PSD3: variants seen among roughly 807,000 people sequenced by gnomAD.
The protein encoded by PSD3 is pleckstrin and Sec7 domain containing 3, also known as PH and SEC7 domain-containing protein 3.
PSD3 carries 49 observed loss-of-function variants against 105.5 expected under a neutral mutation model. That is an observed-to-expected ratio of 0.46 (90% CI 0.37 to 0.59). The LOEUF (loss-of-function observed/expected upper bound fraction) is 0.59. Among genes scored for constraint, PSD3 ranks in the 20% least tolerant of loss-of-function variants. PSD3 has a pLI of 0.00. For synonymous variants in PSD3, 557 were observed against 457.8 expected, an observed-to-expected ratio of 1.22 and a Z score of -2.77; for missense variants, 1,561 against 1,263.8, an observed-to-expected ratio of 1.24 and a Z score of -3.57.
intron 8 of PSD3, among the ~76,000 whole-genome samples, chr8:18,782,224 A>G (rs892628529): frequency 6.6e-6 from 1 of 151,920 alleles, no homozygotes; most frequent in African/African-American, 2.4e-5. Context: ...TGATGGTTTC[A>G]TGCTTCCTTG....
intron 9 of PSD3, among the ~76,000 whole-genome samples, chr8:18,758,835 G>A (rs889285200): frequency 8.6e-5 from 13 of 152,038 alleles, no homozygotes; most frequent in Admixed American, 6.6e-5. Context: ...GGTTAAAAAC[G>A]GGATGGAGGT....
intron 9 of PSD3, among the ~76,000 whole-genome samples, chr8:18,659,060 G>A (rs1334055994): frequency 3.9e-5 from 6 of 152,232 alleles, no homozygotes; most frequent in East Asian, 3.9e-4. Flanking sequence ...ACAGATCTGC[G>A]TGGCTAGGAG....
rs28491127 is a variant in PSD3, at chr8:19,020,020, G to A, written c.324+64186C>T. On this transcript the variant is annotated intron_variant, in intron 1 of 1. Transcript: ENST00000521475. Reference sequence around the variant, plus strand: ...CCAAGACCCGAATAACTGAGGTTAAGTCTCTATAATAAAGGTTCAGTTTAT... The same window carrying A: ...CCAAGACCCGAATAACTGAGGTTAAATCTCTATAATAAAGGTTCAGTTTAT... 2.5e-3 allele frequency among the ~76,000 whole-genome samples: 380 copies of A among 152,236 alleles called. 1 individual carries two copies. Among genetic ancestry groups the A allele is most frequent in the African/African-American group, 8.8e-3 (364 of 41,544 alleles).
At chr8:18,782,807 G>A (rs545725486) in intron 8 of PSD3, among the ~76,000 whole-genome samples, 26 of 152,302 alleles carry the variant, frequency 1.7e-4, no homozygotes, top group African/African-American at 5.8e-4. Context: ...GGGTACAAAG[G>A]GCCTAGTGGC....
chr8:18,675,790 T>C (rs189210541), intron 9 of PSD3, among the ~76,000 whole-genome samples: 7 of 152,170 alleles, frequency 4.6e-5, no homozygotes, highest in African/African-American at 1.7e-4. Flanking sequence ...GCAACTTCCA[T>C]CATAAATTAA....
At chr8:18,776,654 G>A (rs556200706) in intron 8 of PSD3, among the ~76,000 whole-genome samples, 11 of 152,250 alleles carry the variant, frequency 7.2e-5, no homozygotes, top group Admixed American at 5.9e-4. Flanking sequence ...AGGATTGCAG[G>A]TGTGAGTCAC....
At chr8:18,740,258 C>A (rs1563214048) in intron 9 of PSD3, among the ~76,000 whole-genome samples, 1 of 152,168 alleles carries the variant, frequency 6.6e-6, no homozygotes, top group Non-Finnish European at 1.5e-5. Context: ...TTAACTCAGC[C>A]TGGATCGCCC....
chr8:19,065,939 T>A (rs1586686175), intron 1 of PSD3, among the ~76,000 whole-genome samples: 1 of 152,198 alleles, frequency 6.6e-6, no homozygotes, highest in East Asian at 1.9e-4. Flanking sequence ...CAGCCATGAA[T>A]CAACTTGTTA....
intron 1 of PSD3, among the ~76,000 whole-genome samples, chr8:18,936,948 G>A (rs1822179896): frequency 6.6e-6 from 1 of 152,040 alleles, no homozygotes; most frequent in Non-Finnish European, 1.5e-5. Flanking sequence ...AGCCGAACAG[G>A]GCATGGAACA....
intron 9 of PSD3, among the ~76,000 whole-genome samples, chr8:18,705,862 T>C (rs757196472): frequency 7.2e-5 from 11 of 152,200 alleles, no homozygotes; most frequent in Non-Finnish European, 1.3e-4. Flanking sequence ...ACGTATTTTG[T>C]ATGTGGAAAA....
At position 18,872,333 on chromosome 8, in the gene PSD3, A is replaced by G. The variant is rs561998154; in HGVS notation, c.531T>C (p.Ser177=). The change falls in exon 3 of 16, where the codon AGT becomes AGC. Residue 177 remains serine (S), a synonymous_variant. Coordinates refer to ENST00000327040, the MANE Select transcript of PSD3 (RefSeq NM_015310.4). ...TTTTGTTGACTCTCTGTGTTTTACG[A>G]CTGGCAGTGTCCAGCTCTTTTTCCA... ...QQVEKELDTA[S]RKTQRVNKTL... 1 of 1,614,152 alleles carries G rather than the reference A, an allele frequency of 6.2e-7. No individual in the cohort carries two copies. The highest frequency in any genetic ancestry group is 2.2e-5 in the East Asian group (1 of 44,886).
chr8:18,791,923 G>A lies in PSD3; in HGVS notation c.2082+7372C>T, dbSNP rs73199997. Among the ~76,000 whole-genome samples the A allele has an allele frequency of 9.6e-3, 1,458 of 152,240 alleles. 9 individuals are homozygous for A. Among genetic ancestry groups the A allele is most frequent in the Non-Finnish European group, 0.016 (1,069 of 68,002 alleles). ...AAAAAGTGGGCAAAGGACACAAAGA[G>A]ACACTTCTCAAAAGACATATATGCG... On this transcript the variant is annotated intron_variant, in intron 8 of 15. Coordinates refer to ENST00000327040, the MANE Select transcript of PSD3 (RefSeq NM_015310.4).
At chr8:18,726,849 T>C (rs980220032) in intron 9 of PSD3, among the ~76,000 whole-genome samples, 5 of 152,190 alleles carry the variant, frequency 3.3e-5, no homozygotes, top group African/African-American at 1.2e-4. Context: ...TGTCCTTTAT[T>C]TCCACTATCC....
At chr8:18,730,807 T>C (rs1180446422) in intron 9 of PSD3, among the ~76,000 whole-genome samples, 6 of 152,070 alleles carry the variant, frequency 3.9e-5, no homozygotes, top group South Asian at 4.2e-4. Flanking sequence ...AAATTTAAGA[T>C]ATAACTGAAA....
intron 2 of PSD3, among the ~76,000 whole-genome samples, chr8:18,921,381 G>A (rs962702708): frequency 1.3e-5 from 2 of 152,212 alleles, no homozygotes; most frequent in South Asian, 4.1e-4. Flanking sequence ...CAAACACTAG[G>A]GGAGATGCTT....
intron 9 of PSD3, among the ~76,000 whole-genome samples, chr8:18,757,469 A>G (rs1806151895): frequency 6.6e-6 from 1 of 152,108 alleles, no homozygotes; most frequent in African/African-American, 2.4e-5. Flanking sequence ...GTTGCAAACA[A>G]ACAAACAAAC....
At chr8:18,582,473 A>G (rs1034826509) in intron 12 of PSD3, among the ~76,000 whole-genome samples, 6 of 152,096 alleles carry the variant, frequency 3.9e-5, no homozygotes, top group Admixed American at 3.9e-4. Flanking sequence ...CCTAGGGCAC[A>G]TATGAGTATA....
intron 8 of PSD3, among the ~76,000 whole-genome samples, chr8:18,784,061 C>T (rs766816448): frequency 6.6e-6 from 1 of 151,938 alleles, no homozygotes; most frequent in Non-Finnish European, 1.5e-5. Flanking sequence ...CTATTATGTC[C>T]AGAAACATGT....
intron 12 of PSD3, among the ~76,000 whole-genome samples, chr8:18,580,001 A>C (rs1802703283): frequency 6.6e-6 from 1 of 152,200 alleles, no homozygotes; most frequent in Non-Finnish European, 1.5e-5. Flanking sequence ...AATTAAAGCA[A>C]GCTGGGTCCT....
Sources: gnomAD v4.1 joint callset for allele counts (sites outside exome capture counted in the v4.1 genomes callset) on GRCh38, gnomAD v4.1.1 for gene constraint, MANE v1.5 for transcripts, NCBI Gene and HGNC (gene_info 2026-07-23, HGNC 2026-07-21) for gene names.